PCSK5: variants seen among roughly 807,000 people sequenced by gnomAD.
PCSK5 encodes proprotein convertase subtilisin/kexin type 5.
Under a neutral mutation model 233.2 loss-of-function variants are expected in PCSK5, and 129 were observed. The ratio of observed to expected loss-of-function variants is 0.55; its 90% CI spans 0.48 to 0.64. The LOEUF is 0.64. PCSK5 is among the 30% of genes least tolerant of loss of function. The pLI is 0.00. For missense variants in PCSK5, 2,076 were observed against 2,430.1 expected (o/e 0.85, Z 3.06); for synonymous variants, 825 against 879.2 (o/e 0.94, Z 1.09).
chr9:75,995,556 C>A (rs541184982), intron 3 of PCSK5, among the ~76,000 whole-genome samples: 1 of 152,140 alleles, frequency 6.6e-6, no homozygotes, highest in African/African-American at 2.4e-5. Context: ...TTTCTGATAT[C>A]TTGAATTGGG....
intron 10 of PCSK5, 132 bp from the exon 11 acceptor site, chr9:76,156,913 G>A (rs564365055): frequency 1.8e-5 from 12 of 681,450 alleles, no homozygotes; most frequent in Non-Finnish European, 2.9e-5. Context: ...TGTTTTGCTG[G>A]ATTTATTTCT....
intron 24 of PCSK5, among the ~76,000 whole-genome samples, chr9:76,268,314 G>C (rs1393110211): frequency 6.6e-6 from 1 of 152,048 alleles, no homozygotes; most frequent in Non-Finnish European, 1.5e-5. Flanking sequence ...CTTGTCAGCT[G>C]GTAATGCGTT....
chr9:75,920,512 A>T (rs537114563), intron 1 of PCSK5, among the ~76,000 whole-genome samples: 1 of 152,292 alleles, frequency 6.6e-6, no homozygotes, highest in East Asian at 1.9e-4. Flanking sequence ...TTTAAATGCT[A>T]TAAAGCTCAA....
At chr9:76,031,087 C>A (rs776113490) in intron 5 of PCSK5, among the ~76,000 whole-genome samples, 71 of 152,282 alleles carry the variant, frequency 4.7e-4, no homozygotes, top group Non-Finnish European at 7.8e-4. Context: ...TAGCTCCTCT[C>A]AGTAGTTCTG....
intron 5 of PCSK5, among the ~76,000 whole-genome samples, chr9:76,056,274 T>G (rs1829816022): frequency 6.6e-6 from 1 of 152,178 alleles, no homozygotes. Context: ...TTGTGTGACC[T>G]GATGTCTCTG....
chr9:75,988,072 A>G (rs536655780), intron 3 of PCSK5, among the ~76,000 whole-genome samples: 22 of 152,338 alleles, frequency 1.4e-4, no homozygotes, highest in Admixed American at 4.6e-4. Context: ...CAGTGCCTGC[A>G]TAGTGAGATC....
At chr9:76,317,991 T>G (rs545358078) in intron 30 of PCSK5, among the ~76,000 whole-genome samples, 1 of 152,226 alleles carries the variant, frequency 6.6e-6, no homozygotes, top group South Asian at 2.1e-4. Flanking sequence ...CACAGCAATA[T>G]TATGGCGCTA....
At chr9:76,209,560 G>T (rs1307646494) in intron 20 of PCSK5, 2 of 514,768 alleles carry the variant, frequency 3.9e-6, no homozygotes, top group Admixed American at 3.9e-5. Context: ...GCCTTTTCAT[G>T]GAGCTTTTAA....
At chr9:76,051,158 C>A (rs554559274) in intron 5 of PCSK5, among the ~76,000 whole-genome samples, 1 of 152,166 alleles carries the variant, frequency 6.6e-6, no homozygotes, top group Non-Finnish European at 1.5e-5. Context: ...AATTTACCAA[C>A]CAGGGTTCAT....
At chr9:76,128,353 C>T (rs1822604984) in intron 9 of PCSK5, among the ~76,000 whole-genome samples, 1 of 152,136 alleles carries the variant, frequency 6.6e-6, no homozygotes, top group Non-Finnish European at 1.5e-5. Flanking sequence ...GTTAAGTGTA[C>T]AGGGAGACCT....
chr9:75,921,305 G>A (rs1182763240), intron 1 of PCSK5, among the ~76,000 whole-genome samples: 4 of 152,060 alleles, frequency 2.6e-5, no homozygotes, highest in Admixed American at 6.6e-5. Context: ...TTGGTCCTTC[G>A]GCATTAGTAC....
intron 9 of PCSK5, among the ~76,000 whole-genome samples, chr9:76,115,709 T>TAG (rs986476820): frequency 6.6e-6 from 1 of 152,128 alleles, no homozygotes; most frequent in African/African-American, 2.4e-5. Context: ...TTAATCACTT[T>TAG]AGTCAAAGCG....
chr9:76,059,122 C>T (rs755631042), intron 5 of PCSK5, among the ~76,000 whole-genome samples: 46 of 152,186 alleles, frequency 3.0e-4, no homozygotes, highest in Non-Finnish European at 5.3e-4. Flanking sequence ...ACACAGAATG[C>T]AGCCCAGAGA....
chr9:76,010,203 G>A (rs945880408), intron 3 of PCSK5, among the ~76,000 whole-genome samples: 7 of 152,184 alleles, frequency 4.6e-5, no homozygotes, highest in Admixed American at 4.6e-4. Flanking sequence ...TGGTGGCTGA[G>A]AAAATAGTCT....
chr9:75,949,495 G>T (rs1824742638), intron 2 of PCSK5, among the ~76,000 whole-genome samples: 1 of 151,854 alleles, frequency 6.6e-6, no homozygotes, highest in Non-Finnish European at 1.5e-5. Context: ...CAATATTTAT[G>T]TTGGGACAGT....
intron 35 of PCSK5, among the ~76,000 whole-genome samples, chr9:76,350,258 GAAAT>G (rs1386160151): frequency 6.6e-6 from 1 of 152,124 alleles, no homozygotes; most frequent in Non-Finnish European, 1.5e-5. Context: ...TTTAAAATGA[GAAAT>G]AAATAAGATG....
intron 1 of PCSK5, among the ~76,000 whole-genome samples, chr9:75,893,105 G>A (rs967344030): frequency 6.6e-5 from 10 of 152,180 alleles, no homozygotes; most frequent in Non-Finnish European, 1.2e-4. Context: ...AGCACTGAAA[G>A]TAGCTAGTAC....
At chr9:76,260,432 G>A (rs549096879) in intron 24 of PCSK5, among the ~76,000 whole-genome samples, 1 of 152,318 alleles carries the variant, frequency 6.6e-6, no homozygotes, top group Non-Finnish European at 1.5e-5. Flanking sequence ...AATCTTTAAA[G>A]TGGAGAACCT....
chr9:76,295,284 C>A lies in PCSK5; in HGVS notation c.3195C>A (p.His1065Gln). 3 of 1,610,304 alleles carry A rather than the reference C, an allele frequency of 1.9e-6. No individual in the cohort carries two copies. The South Asian group carries it at 3.3e-5, about 18-fold the overall frequency. The change falls in exon 26 of 38, where the codon CAC (histidine) becomes CAA (glutamine). Residue 1065 changes from histidine (H) to glutamine (Q), a missense_variant. This residue lies in a region of PCSK5 where 1,510 missense variants were observed against 1,538.1 expected (regional missense o/e 0.98). Coordinates refer to ENST00000674117, the MANE Select transcript of PCSK5 (RefSeq NM_001372043.1). ...TGTCTTCTTCCTCTAGGTTTGATCA[C>A]CATTGTTATAAAACCTGTCCTGAGA... ...SCAMGYYRFD[H>Q]HCYKTCPEKT...
Sources: gnomAD v4.1 joint callset for allele counts (sites outside exome capture counted in the v4.1 genomes callset) on GRCh38, gnomAD v4.1.1 for gene constraint, gnomAD v4.1.1 regional missense constraint, MANE v1.5 for transcripts, NCBI Gene and HGNC (gene_info 2026-07-23, HGNC 2026-07-21) for gene names.